The following MAL2 variants were observed in gnomAD, a reference collection of about 807,000 sequenced individuals.
The protein encoded by MAL2 is mal, T cell differentiation protein 2.
In MAL2, 17 loss-of-function variants were observed where a neutral mutation model predicts 18.1. The observed-to-expected ratio is 0.94, with a 90% confidence interval of 0.64 to 1.41. The LOEUF is 1.41. MAL2 is among the 40% of genes most tolerant of loss of function. MAL2 has a pLI of 0.00. For missense variants in MAL2, 222 were observed against 231.9 expected (o/e 0.96, Z 0.28); for synonymous variants, 102 against 102.3 (o/e 1.00, Z 0.02).
At chr8:119,235,560 T>G (rs1049130264) in intron 2 of MAL2, among the ~76,000 whole-genome samples, 6 of 151,950 alleles carry the variant, frequency 3.9e-5, no homozygotes, top group Non-Finnish European at 5.9e-5. Flanking sequence ...AAGGTCGGGT[T>G]ACCCTCAAAG....
At chr8:119,222,998 G>C (rs1275579767) in intron 2 of MAL2, among the ~76,000 whole-genome samples, 1 of 152,172 alleles carries the variant, frequency 6.6e-6, no homozygotes, top group Non-Finnish European at 1.5e-5. Flanking sequence ...CTTCAGGGAA[G>C]TTCAGGAAGA....
At chr8:119,234,117 C>A (rs1398967210) in intron 2 of MAL2, among the ~76,000 whole-genome samples, 1 of 152,124 alleles carries the variant, frequency 6.6e-6, no homozygotes, top group Non-Finnish European at 1.5e-5. Context: ...GTGCGCGAGC[C>A]GAAGCAGGGC....
Position 119,208,605 on chromosome 8 carries a change from G to T in MAL2, c.132+1G>T, listed in dbSNP as rs1817222390. The T allele has an allele frequency of 1.5e-6, 2 of 1,333,224 alleles. No individual in the cohort carries two copies. The highest frequency in any genetic ancestry group is 1.9e-6 in the Non-Finnish European group (2 of 1,039,662). 82.6% of individuals were successfully genotyped at this position (1,333,224 alleles called of 1,614,324 possible). On this transcript the variant is annotated splice_donor_variant, in intron 1 of 3. Transcript: ENST00000614891. LOFTEE classifies it high-confidence loss of function. This position sits in a 1 kb window ranked among gnomAD's most constrained non-coding sequence, Gnocchi z 4.3. The stretch of plus-strand genomic sequence containing the variant: ...GGGCGCCTTCGTCTGCCTGGAGATT[G>T]TAAGTGGGGCCGCCGGAGCGAGGGT...
intron 3 of MAL2, among the ~76,000 whole-genome samples, chr8:119,241,267 C>T (rs977263425): frequency 1.3e-5 from 2 of 152,100 alleles, no homozygotes; most frequent in Non-Finnish European, 2.9e-5. Context: ...ATAGCTCATG[C>T]CTGTAATCCC....
intron 3 of MAL2, among the ~76,000 whole-genome samples, chr8:119,243,057 A>G (rs1818078176): frequency 6.6e-6 from 1 of 152,226 alleles, no homozygotes; most frequent in Non-Finnish European, 1.5e-5. Context: ...CTTGGCTGTG[A>G]AGCCACTACA....
At chr8:119,235,375 C>T (rs1214333817) in intron 2 of MAL2, among the ~76,000 whole-genome samples, 2 of 152,126 alleles carry the variant, frequency 1.3e-5, no homozygotes, top group Admixed American at 1.3e-4. Flanking sequence ...GAAAACACTA[C>T]AGGATATTAT....
At chr8:119,234,508 G>A (rs1235904577) in intron 2 of MAL2, among the ~76,000 whole-genome samples, 1 of 152,192 alleles carries the variant, frequency 6.6e-6, no homozygotes, top group East Asian at 1.9e-4. Context: ...TGGGGGCAGG[G>A]CACAGACAAA....
At chr8:119,218,129 C>T (rs1242061868) in intron 1 of MAL2, among the ~76,000 whole-genome samples, 1 of 152,122 alleles carries the variant, frequency 6.6e-6, no homozygotes, top group African/African-American at 2.4e-5. Flanking sequence ...TGTTCTCTGG[C>T]CCATCCTCTC....
chr8:119,224,107 A>G (rs985141822), intron 2 of MAL2: 1 of 152,154 alleles, frequency 6.6e-6, no homozygotes, highest in African/African-American at 2.4e-5. Context: ...TGAGTTTACT[A>G]TTTCTTCTGG....
At chr8:119,225,915 CTT>C (rs1817585726) in intron 2 of MAL2, among the ~76,000 whole-genome samples, 1 of 152,126 alleles carries the variant, frequency 6.6e-6, no homozygotes. Context: ...GCATAAATGT[CTT>C]CTTTTGAGAA....
chr8:119,243,561 A>G lies in MAL2; in HGVS notation c.*73A>G, dbSNP rs954599043. 9 of 1,351,554 alleles carry G rather than the reference A, an allele frequency of 6.7e-6. No homozygotes were observed. The highest frequency in any genetic ancestry group is 1.8e-4 in the Middle Eastern group (1 of 5,418). 83.7% of individuals were successfully genotyped at this position (1,351,554 alleles called of 1,614,324 possible). A position where few individuals can be genotyped will look rare whatever the true frequency, so the allele number is the denominator to read the frequency against. On this transcript the variant is annotated 3_prime_UTR_variant, in exon 4 of 4. Coordinates refer to ENST00000614891, the MANE Select transcript of MAL2 (RefSeq NM_052886.3). Reference sequence around the variant, plus strand: ...TATATGTCTGATCAATTTGGATACCATTTTGTCCAGATGCAAAAACATTCC... The same window carrying G: ...TATATGTCTGATCAATTTGGATACCGTTTTGTCCAGATGCAAAAACATTCC...
chr8:119,211,372 A>C (rs1046935833), intron 1 of MAL2, among the ~76,000 whole-genome samples: 1 of 152,168 alleles, frequency 6.6e-6, no homozygotes, highest in Non-Finnish European at 1.5e-5. Context: ...TTTGTCTTTA[A>C]GAGTTCTTCA....
chr8:119,233,475 T>A (rs1329849405), intron 2 of MAL2, among the ~76,000 whole-genome samples: 2 of 151,906 alleles, frequency 1.3e-5, no homozygotes, highest in Non-Finnish European at 2.9e-5. Context: ...ATAGACGCAA[T>A]AAAAAATGAC....
intron 1 of MAL2, among the ~76,000 whole-genome samples, chr8:119,209,633 T>C (rs1817240502): frequency 6.6e-6 from 1 of 152,222 alleles, no homozygotes; most frequent in Non-Finnish European, 1.5e-5. Flanking sequence ...CCCTGGCCTT[T>C]GAGCTTGCAT....
rs754401218 is a variant in MAL2, at chr8:119,221,707, A to C, written c.253A>C (p.Met85Leu). 1 of 1,613,852 alleles carries C rather than the reference A, an allele frequency of 6.2e-7. No homozygotes were observed. Among genetic ancestry groups the C allele is most frequent in the South Asian group, 1.1e-5 (1 of 91,078 alleles). The change falls in exon 2 of 4, where the codon ATG becomes CTG. Residue 85 changes from methionine (M) to leucine (L), a missense_variant. Coordinates refer to ENST00000614891, the MANE Select transcript of MAL2 (RefSeq NM_052886.3). ...TTTCTTTTCGCTCCTCTTTCTGGGC[A>C]TGTTCCTCTCTGGCATGGTGGCTCA... ...AFFFSLLFLG[M>L]FLSGMVAQID...
chr8:119,228,037 G>A (rs1817632235), intron 2 of MAL2, among the ~76,000 whole-genome samples: 1 of 152,056 alleles, frequency 6.6e-6, no homozygotes, highest in African/African-American at 2.4e-5. Context: ...AGACTTCCAA[G>A]AAGACCTCAA....
At chr8:119,238,019 T>C (rs1208212481) in intron 2 of MAL2, among the ~76,000 whole-genome samples, 1 of 152,230 alleles carries the variant, frequency 6.6e-6, no homozygotes. Context: ...GATGACATGA[T>C]TGTATATCTA....
At chr8:119,236,517 A>G (rs945343504) in intron 2 of MAL2, among the ~76,000 whole-genome samples, 1 of 151,384 alleles carries the variant, frequency 6.6e-6, no homozygotes, top group Non-Finnish European at 1.5e-5. Flanking sequence ...CACCACACCT[A>G]TTCCAAAATT....
chr8:119,240,401 C>T, intron 3 of MAL2, 81 bp downstream of exon 3: 1 of 1,416,110 alleles, frequency 7.1e-7, no homozygotes, highest in African/African-American at 1.4e-5. Context: ...CCTCAGGCAA[C>T]AATAGTTTTC....
Sources: allele counts gnomAD v4.1 joint callset (sites outside exome capture counted in the v4.1 genomes callset), GRCh38; gene constraint gnomAD v4.1.1; non-coding constraint Gnocchi (gnomAD v3.1); transcripts MANE v1.5; gene names NCBI Gene and HGNC (gene_info 2026-07-23, HGNC 2026-07-21).